Variants in ZDBF2 observed in about 807,000 individuals in gnomAD.
The protein encoded by ZDBF2 is zinc finger DBF-type containing 2.
ZDBF2 carries 6 observed loss-of-function variants against 9.4 expected under a neutral mutation model. The ratio of observed to expected loss-of-function variants is 0.64; its 90% CI spans 0.35 to 1.27. The LOEUF (loss-of-function observed/expected upper bound fraction) is 1.27, where lower values mean the gene tolerates loss of function less well. Among genes scored for constraint, ZDBF2 ranks in the 50% most tolerant of loss-of-function variants. The pLI is 0.03. For missense variants in ZDBF2, 2,697 were observed against 2,766.8 expected (o/e 0.97, Z 0.57); for synonymous variants, 905 against 946.3 (o/e 0.96, Z 0.80).
chr2:206,305,915 A>G lies in ZDBF2; in HGVS notation c.1387A>G (p.Asn463Asp). 6.2e-7 allele frequency: 1 copy of G among 1,613,354 alleles called. No individual in the cohort carries two copies. The highest frequency in any genetic ancestry group is 1.1e-5 in the South Asian group (1 of 91,044). ...DCDDILHLVTNQSQMIVKEIS... is the reference protein window; with the variant it reads ...DCDDILHLVTDQSQMIVKEIS... Reference sequence around the variant, plus strand: ...TGATGACATTCTTCACTTGGTTACCAACCAATCCCAAATGATTGTTAAAGA... The same window carrying G: ...TGATGACATTCTTCACTTGGTTACCGACCAATCCCAAATGATTGTTAAAGA... Residue 463 changes from asparagine (N) to aspartate (D), a missense_variant, in exon 5 of 5, where the codon AAC becomes GAC. This residue lies in a region of ZDBF2 where 910 missense variants were observed against 973.6 expected (regional missense o/e 0.93). Transcript: ENST00000374423.
intron 3 of ZDBF2, among the ~76,000 whole-genome samples, chr2:206,287,852 T>G (rs1412161593): frequency 6.6e-6 from 1 of 152,190 alleles, no homozygotes; most frequent in African/African-American, 2.4e-5. Flanking sequence ...ATTGAATCTC[T>G]GTATTGTATT....
Position 206,308,167 on chromosome 2 carries a change from G to C in ZDBF2, c.3639G>C (p.Arg1213=), listed in dbSNP as rs931571853. Reference sequence around the variant, plus strand: ...ACCCTCTTCAGTCAGTGGCTGACCGGCTGAGAGAAACCGTTAAAGAAATAA... The same window carrying C: ...ACCCTCTTCAGTCAGTGGCTGACCGCCTGAGAGAAACCGTTAAAGAAATAA... The part of the protein sequence containing the change: ...SDDPLQSVAD[R]LRETVKEISL... The change falls in exon 5 of 5, where the codon CGG becomes CGC. Residue 1213 remains arginine, a synonymous_variant. Transcript: ENST00000374423. 2.0e-5 allele frequency: 32 copies of C among 1,613,628 alleles called. No individual in the cohort carries two copies. Among genetic ancestry groups the C allele is most frequent in the Non-Finnish European group, 2.7e-5 (32 of 1,179,820 alleles).
intron 3 of ZDBF2, among the ~76,000 whole-genome samples, chr2:206,284,663 A>G (rs915187298): frequency 4.6e-5 from 7 of 152,104 alleles, no homozygotes; most frequent in African/African-American, 1.4e-4. Flanking sequence ...TACGAGCACA[A>G]CTTTGATGAC....
rs777695404 is a variant in ZDBF2, at chr2:206,314,263, C to CTTTTTTTTT, written c.*2679_*2687dup. 7.7e-6 allele frequency: 1 copy of CTTTTTTTTT among 129,790 alleles called. No homozygotes were observed. Among genetic ancestry groups the CTTTTTTTTT allele is most frequent in the African/African-American group, 2.9e-5 (1 of 34,728 alleles). 8.0% of individuals were successfully genotyped at this position (129,790 alleles called of 1,614,324 possible). On this transcript the variant is annotated 3_prime_UTR_variant, in exon 5 of 5. Transcript: ENST00000374423. ...TATGTAACTAGGGCTGTGAGTAACA[C>CTTTTTTTTT]TTTTTTTTTTTTTTTTTGGTTAAAG...
At chr2:206,291,726 G>T (rs571872307) in intron 3 of ZDBF2, among the ~76,000 whole-genome samples, 72 of 152,258 alleles carry the variant, frequency 4.7e-4, no homozygotes, top group South Asian at 2.1e-3. Flanking sequence ...ATCCCACTTG[G>T]TCATGGTGTA....
intron 3 of ZDBF2, among the ~76,000 whole-genome samples, chr2:206,291,457 T>C (rs942494069): frequency 5.3e-5 from 8 of 152,160 alleles, no homozygotes; most frequent in Non-Finnish European, 1.2e-4. Context: ...GACCAATACC[T>C]AACAGCCCTT....
Position 206,309,047 on chromosome 2 carries a change from C to G in ZDBF2, c.4519C>G (p.Gln1507Glu). ...GATGTATGATTCTGATGTTCCTTTTCAAATAGTAGTTAACCAATTTCCAGG... is the reference window on the plus strand; with the variant it reads ...GATGTATGATTCTGATGTTCCTTTTGAAATAGTAGTTAACCAATTTCCAGG... ...EMMYDSDVPFQIVVNQFPGSV... is the reference protein window; with the variant it reads ...EMMYDSDVPFEIVVNQFPGSV... The change falls in exon 5 of 5, where the codon CAA becomes GAA. Residue 1507 changes from glutamine (Q) to glutamate (E), a missense_variant. Coordinates refer to ENST00000374423, the MANE Select transcript of ZDBF2 (RefSeq NM_020923.3). The G allele has an allele frequency of 6.2e-7, 1 of 1,613,820 alleles. No individual in the cohort carries two copies. Among genetic ancestry groups the G allele is most frequent in the Non-Finnish European group, 8.5e-7 (1 of 1,179,854 alleles).
At chr2:206,302,028 G>A (rs547611382) in intron 4 of ZDBF2, among the ~76,000 whole-genome samples, 5 of 149,368 alleles carry the variant, frequency 3.3e-5, no homozygotes, top group South Asian at 2.1e-4. Context: ...TTTTTTGTTC[G>A]TTTGTAGGTC....
In ZDBF2 at chr2:206,309,843, C is replaced by T; in HGVS notation, c.5315C>T (p.Pro1772Leu). 6.2e-7 allele frequency: 1 copy of T among 1,613,866 alleles called. No individual in the cohort carries two copies. Among genetic ancestry groups the T allele is most frequent in the Non-Finnish European group, 8.5e-7 (1 of 1,179,854 alleles). The change falls in exon 5 of 5, where the codon CCT (proline) becomes CTT (leucine). Residue 1772 changes from proline to leucine, a missense_variant. Around this residue, in one of 3 missense-constraint regions of ZDBF2, gnomAD observed 1,783 missense variants for 1,776.5 expected, o/e 1.00. Coordinates refer to ENST00000374423, the MANE Select transcript of ZDBF2 (RefSeq NM_020923.3). ...CAAGAAACTGTTAAGAAAAGACACC[C>T]TTGTAAGAAGGTATCTTCTGACTTG... ...QPQETVKKRH[P>L]CKKVSSDLKE... is the part of the protein sequence containing the mutation.
Position 206,310,808 on chromosome 2 carries a change from GATA to G in ZDBF2, c.6283_6285del (p.Asn2095del), listed in dbSNP as rs751118493. 6.2e-6 allele frequency: 10 copies of G among 1,614,000 alleles called. 1 individual carries two copies. The South Asian group carries it at 8.8e-5, about 14-fold the overall frequency. ...GAGCAACCAAAACTCCAGTGCAGGAGATAATGATGCTGATGGACAAGGCTCTGC... is the reference window on the plus strand; with the variant it reads ...GAGCAACCAAAACTCCAGTGCAGGAGATGATGCTGATGGACAAGGCTCTGC... On this transcript the variant is annotated inframe_deletion, in exon 5 of 5. Transcript: ENST00000374423.
At position 206,311,645 on chromosome 2, in the gene ZDBF2, A is replaced by G. The variant is rs897831162; in HGVS notation, c.*52A>G. The G allele has an allele frequency of 6.4e-6, 9 of 1,403,046 alleles. No homozygotes were observed. The Admixed American group carries it at 1.6e-4, about 25-fold the overall frequency. 86.9% of individuals were successfully genotyped at this position (1,403,046 alleles called of 1,614,324 possible). Reference sequence around the variant, plus strand: ...GAGGATTCAGTACTTCAGTTGAAATATATTTGGTACTTTGTGCACACAGCT... The same window carrying G: ...GAGGATTCAGTACTTCAGTTGAAATGTATTTGGTACTTTGTGCACACAGCT... On this transcript the variant is annotated 3_prime_UTR_variant, in exon 5 of 5. Transcript: ENST00000374423.
In ZDBF2 at chr2:206,307,365, T is replaced by A. The variant is rs1289226805; in HGVS notation, c.2837T>A (p.Met946Lys). 6.2e-7 allele frequency: 1 copy of A among 1,613,340 alleles called. No individual in the cohort carries two copies. The highest frequency in any genetic ancestry group is 8.5e-7 in the Non-Finnish European group (1 of 1,179,720). Reference sequence around the variant, plus strand: ...ATAAGCCTTCACACAAAAGAGCACATGTACTTAGAAAATAAGAGTGTTTTT... The same window carrying A: ...ATAAGCCTTCACACAAAAGAGCACAAGTACTTAGAAAATAAGAGTGTTTTT... ...KEISLHTKEH[M>K]YLENKSVFET... Residue 946 changes from methionine (M) to lysine (K), a missense_variant, in exon 5 of 5, where the codon ATG becomes AAG. Physicochemically the swap from Met to Lys is moderately conservative, Grantham distance 95. Around this residue, in one of 3 missense-constraint regions of ZDBF2, gnomAD observed 1,783 missense variants for 1,776.5 expected, o/e 1.00. Transcript: ENST00000374423.
In ZDBF2 at chr2:206,310,225, T is replaced by C; in HGVS notation, c.5697T>C (p.Ile1899=). 1.9e-6 allele frequency: 3 copies of C among 1,613,944 alleles called. No individual in the cohort carries two copies. The highest frequency in any genetic ancestry group is 2.5e-6 in the Non-Finnish European group (3 of 1,179,878). The part of the protein sequence containing the change: ...PTQAVSESDD[I]VCGISDIDDL... ...AAGCTGTGTCAGAGAGTGATGATATTGTCTGTGGTATTTCAGATATTGATG... is the reference window on the plus strand; with the variant it reads ...AAGCTGTGTCAGAGAGTGATGATATCGTCTGTGGTATTTCAGATATTGATG... Residue 1899 remains isoleucine (I), a synonymous_variant, in exon 5 of 5, where the codon ATT becomes ATC. Coordinates refer to ENST00000374423, the MANE Select transcript of ZDBF2 (RefSeq NM_020923.3).
chr2:206,307,855 T>A lies in ZDBF2; in HGVS notation c.3327T>A (p.Asn1109Lys). 2 of 1,613,006 alleles carry A rather than the reference T, an allele frequency of 1.2e-6. No homozygotes were observed. Among genetic ancestry groups the A allele is most frequent in the Non-Finnish European group, 1.7e-6 (2 of 1,179,606 alleles). Residue 1109 changes from asparagine to lysine, a missense_variant, in exon 5 of 5, where the codon AAT becomes AAA. Transcript: ENST00000374423. ...EEVIGLKNKI[N>K]EPSTYKLIHH... ...TTATTGGCCTGAAAAATAAGATTAA[T>A]GAACCTAGTACTTATAAATTAATAC...
At chr2:206,275,035 A>C (rs1690906355) in intron 1 of ZDBF2, 89 bp downstream of exon 1, 1 of 150,776 alleles carries the variant, frequency 6.6e-6, no homozygotes, top group South Asian at 2.1e-4. Context: ...CTTCTTCCCG[A>C]GGGACGCCAG....
At chr2:206,288,706 C>T (rs1363454284) in intron 3 of ZDBF2, among the ~76,000 whole-genome samples, 1 of 152,058 alleles carries the variant, frequency 6.6e-6, no homozygotes, top group Non-Finnish European at 1.5e-5. Flanking sequence ...TTAGGCACCC[C>T]CTAGTAGCTG....
rs1692771236 is a variant in ZDBF2 at position 206,306,012 on chromosome 2, A to G, written c.1484A>G (p.Asn495Ser). 1 of 1,613,396 alleles carries G rather than the reference A, an allele frequency of 6.2e-7. No individual in the cohort carries two copies. The highest frequency in any genetic ancestry group is 8.5e-7 in the Non-Finnish European group (1 of 1,179,582). Residue 495 changes from asparagine to serine, a missense_variant, in exon 5 of 5, where the codon AAT becomes AGT. Coordinates refer to ENST00000374423, the MANE Select transcript of ZDBF2 (RefSeq NM_020923.3). ...QSYESSSSET[N>S]FDCDASPQST... is the part of the protein sequence containing the mutation. The stretch of plus-strand genomic sequence containing the variant: ...TATGAATCTAGTAGTTCTGAAACGA[A>G]TTTTGATTGTGATGCTTCACCTCAG...
chr2:206,310,328 G>C lies in ZDBF2; in HGVS notation c.5800G>C (p.Ala1934Pro). Residue 1934 changes from alanine to proline, a missense_variant, in exon 5 of 5, where the codon GCT (alanine) becomes CCT (proline). Ala to Pro is a conservative substitution (Grantham distance 27, BLOSUM62 -1). Around this residue, in one of 3 missense-constraint regions of ZDBF2, gnomAD observed 1,783 missense variants for 1,776.5 expected, o/e 1.00. Coordinates refer to ENST00000374423, the MANE Select transcript of ZDBF2 (RefSeq NM_020923.3). ...GCCTCCTAAGCAAAAGGGGCGTGTGGCTTCTCAATGCCAGACAGCGAAAAT... is the reference window on the plus strand; with the variant it reads ...GCCTCCTAAGCAAAAGGGGCGTGTGCCTTCTCAATGCCAGACAGCGAAAAT... The part of the protein sequence containing the change: ...ERPPKQKGRV[A>P]SQCQTAKISH... 1 of 1,613,894 alleles carries C rather than the reference G, an allele frequency of 6.2e-7. No individual in the cohort carries two copies. The highest frequency in any genetic ancestry group is 8.5e-7 in the Non-Finnish European group (1 of 1,179,882).
chr2:206,308,049 G>A lies in ZDBF2; in HGVS notation c.3521G>A (p.Arg1174Gln), dbSNP rs529263608. The A allele has an allele frequency of 9.0e-5, 146 of 1,613,870 alleles. No individual in the cohort carries two copies. Among genetic ancestry groups the A allele is most frequent in the South Asian group, 4.9e-4 (45 of 91,056 alleles). The part of the protein sequence containing the change: ...SGFLGQSIVN[R>Q]PQITILEQEH... ...TTCTTGGGTCAGTCAATAGTCAATC[G>A]ACCTCAAATAACTATTTTGGAGCAG... The change falls in exon 5 of 5, where the codon CGA becomes CAA. Residue 1174 changes from arginine to glutamine, a missense_variant. Arg to Gln is a conservative substitution (Grantham distance 43, BLOSUM62 1). This residue lies in a region of ZDBF2 where 1,783 missense variants were observed against 1,776.5 expected (regional missense o/e 1.00). Transcript: ENST00000374423.
Sources: gnomAD v4.1 joint callset for allele counts (sites outside exome capture counted in the v4.1 genomes callset) on GRCh38, gnomAD v4.1.1 for gene constraint, gnomAD v4.1.1 regional missense constraint, MANE v1.5 for transcripts, NCBI Gene and HGNC (gene_info 2026-07-23, HGNC 2026-07-21) for gene names.